Variants in EML5 observed in about 807,000 individuals in gnomAD.
EML5 encodes the protein EMAP like 5, also known as echinoderm microtubule-associated protein-like 5.
A neutral mutation model predicts 250.0 loss-of-function variants in EML5; 120 were observed. The observed-to-expected ratio is 0.48, with a 90% confidence interval of 0.41 to 0.56. The LOEUF is 0.56. EML5 is among the 20% of genes least tolerant of loss of function. EML5 has a pLI of 0.00. For missense variants in EML5, 2,006 were observed against 2,437.6 expected, an observed-to-expected ratio of 0.82 and a Z score of 3.73; for synonymous variants, 771 against 806.5, an observed-to-expected ratio of 0.96 and a Z score of 0.75.
Position 88,658,378 on chromosome 14 carries a change from C to A in EML5, c.3686G>T (p.Gly1229Val). Reference sequence around the variant, plus strand: ...ATGGGCCACATACCTCTTAAACTTTCCAAATTTCCCCTAAAGAGGAAGAAA... The same window carrying A: ...ATGGGCCACATACCTCTTAAACTTTACAAATTTCCCCTAAAGAGGAAGAAA... ...LFRYPTKGKF[G>V]KFKRYVAHST... Residue 1229 changes from glycine (G) to valine (V), a missense_variant, in exon 26 of 44, where the codon GGA (glycine) becomes GTA (valine). Around this residue, in one of 7 missense-constraint regions of EML5, gnomAD observed 1,375 missense variants for 1,590.3 expected, o/e 0.86. Coordinates refer to ENST00000554922, the MANE Select transcript of EML5 (RefSeq NM_183387.3). The A allele has an allele frequency of 6.3e-7, 1 of 1,593,592 alleles. No homozygotes were observed. The highest frequency in any genetic ancestry group is 1.2e-5 in the South Asian group (1 of 85,688).
chr14:88,627,091 G>A, intron 34 of EML5, 45 bp from the exon 35 acceptor site: 1 of 1,586,304 alleles, frequency 6.3e-7, no homozygotes, highest in Non-Finnish European at 8.6e-7. Context: ...CAAGAACCAA[G>A]CTAATCAACA....
Position 88,644,529 on chromosome 14 carries a change from G to C in EML5, c.4029-18C>G, listed in dbSNP as rs1414232949. ...CTGGAGGCCTGCAACAGAGAAGTGG[G>C]GAGGAGGAAAGGCATGCAGCACTCA... On this transcript the variant is annotated intron_variant, in intron 29 of 43. Coordinates refer to ENST00000554922, the MANE Select transcript of EML5 (RefSeq NM_183387.3). 1 of 1,612,902 alleles carries C rather than the reference G, an allele frequency of 6.2e-7. No individual in the cohort carries two copies. The highest frequency in any genetic ancestry group is 8.5e-7 in the Non-Finnish European group (1 of 1,179,132).
At chr14:88,618,851 G>C (rs1263627837) in intron 39 of EML5, 39 bp from the exon 40 acceptor site, 2 of 1,526,524 alleles carry the variant, frequency 1.3e-6, no homozygotes, top group Non-Finnish European at 1.8e-6. Flanking sequence ...TAGACCACAT[G>C]AAGTATTATA....
intron 43 of EML5, 121 bp from the exon 44 acceptor site, chr14:88,615,975 T>C: frequency 7.8e-7 from 1 of 1,289,856 alleles, no homozygotes; most frequent in Non-Finnish European, 1.1e-6. Context: ...TTAACTCCTT[T>C]TATTCTGTAT....
chr14:88,661,597 T>C, intron 25 of EML5, 57 bp downstream of exon 25: 1 of 1,486,884 alleles, frequency 6.7e-7, no homozygotes, highest in South Asian at 1.3e-5. Context: ...TGACAGGACA[T>C]TACCTTAACC....
chr14:88,701,846 G>T (rs984583740), intron 14 of EML5, among the ~76,000 whole-genome samples: 14 of 152,100 alleles, frequency 9.2e-5, no homozygotes, highest in South Asian at 2.1e-4. Flanking sequence ...CTCTCACATG[G>T]TTGAGGTGAG....
intron 33 of EML5, among the ~76,000 whole-genome samples, chr14:88,632,728 C>G (rs1433997630): frequency 1.3e-5 from 2 of 152,226 alleles, no homozygotes; most frequent in Non-Finnish European, 2.9e-5. Context: ...TGACAAAGCT[C>G]TTTTGTCCAC....
chr14:88,657,281 GTTAC>G, intron 27 of EML5, 91 bp downstream of exon 27: 1 of 1,213,532 alleles, frequency 8.2e-7, no homozygotes, highest in Non-Finnish European at 1.1e-6. Flanking sequence ...GAATATCACT[GTTAC>G]TTAGTTTGTG....
At chr14:88,781,648 G>A (rs188714581) in intron 1 of EML5, among the ~76,000 whole-genome samples, 6 of 152,238 alleles carry the variant, frequency 3.9e-5, no homozygotes, top group South Asian at 2.1e-4. Flanking sequence ...TCATGGTGAC[G>A]ATTACTCTCA....
intron 6 of EML5, among the ~76,000 whole-genome samples, chr14:88,738,165 T>C (rs2093873653): frequency 6.6e-6 from 1 of 152,130 alleles, no homozygotes; most frequent in African/African-American, 2.4e-5. Context: ...GAAAATAAAA[T>C]ACCAATTAAC....
intron 29 of EML5, among the ~76,000 whole-genome samples, chr14:88,645,096 G>A (rs1595351836): frequency 6.6e-6 from 1 of 151,864 alleles, no homozygotes; most frequent in Non-Finnish European, 1.5e-5. Flanking sequence ...GCACATTCTC[G>A]CCTCACTGCA....
intron 9 of EML5, among the ~76,000 whole-genome samples, chr14:88,714,141 A>G (rs2093452764): frequency 6.6e-6 from 1 of 152,192 alleles, no homozygotes; most frequent in African/African-American, 2.4e-5. Flanking sequence ...CCCAGCCTGC[A>G]AAGTTTATTT....
Position 88,618,784 on chromosome 14 carries a change from C to T in EML5, c.5404G>A (p.Val1802Ile), listed in dbSNP as rs2140272839. ...RFSPDSRYLA[V>I]GSSENSVDFY... ...TCCACTGAGTTCTCACTAGAACCTA[C>T]TGCCAGATACCGGGAATCCGGACTA... The change falls in exon 40 of 44, where the codon GTA (valine) becomes ATA (isoleucine). Residue 1802 changes from valine (V) to isoleucine (I), a missense_variant. By Grantham distance (29) the Val-to-Ile change is conservative (BLOSUM62 3). Transcript: ENST00000554922. 6.3e-7 allele frequency: 1 copy of T among 1,595,812 alleles called. No individual in the cohort carries two copies. Among genetic ancestry groups the T allele is most frequent in the Non-Finnish European group, 8.5e-7 (1 of 1,169,842 alleles).
chr14:88,710,309 T>G (rs903430353), intron 10 of EML5, among the ~76,000 whole-genome samples: 2 of 152,232 alleles, frequency 1.3e-5, no homozygotes, highest in African/African-American at 4.8e-5. Flanking sequence ...TTCGTATATT[T>G]TTTGTTTCAA....
rs368323127 is a variant in EML5, at chr14:88,657,450, G to C, written c.3930C>G (p.Ala1310=). ...RENEISYTIR[A]LSTNIRPMLG... Reference sequence around the variant, plus strand: ...ACATTGGGCGAATATTTGTTGATAAGGCTCTGATGGTGTAACTGATTTCAT... The same window carrying C: ...ACATTGGGCGAATATTTGTTGATAACGCTCTGATGGTGTAACTGATTTCAT... Residue 1310 remains alanine (A), a synonymous_variant, in exon 27 of 44, where the codon GCC becomes GCG. Coordinates refer to ENST00000554922, the MANE Select transcript of EML5 (RefSeq NM_183387.3). The C allele has an allele frequency of 1.2e-5, 20 of 1,605,486 alleles. No individual in the cohort carries two copies. In the African/African-American group the frequency reaches 2.5e-4, roughly 20 times the overall value.
chr14:88,661,663 A>G lies in EML5; in HGVS notation c.3666T>C (p.Tyr1222=). ...DDLGFVKLFR[Y]PTKGKFGKFK... ...AAAGAAAAACACATACTTTAGTAGG[A>G]TATCTAAATAACTTCACAAATCCCA... Residue 1222 remains tyrosine (Y), a synonymous_variant, in exon 25 of 44, where the codon TAT becomes TAC. Transcript: ENST00000554922. 6.2e-7 allele frequency: 1 copy of G among 1,612,170 alleles called. No individual in the cohort carries two copies. The highest frequency in any genetic ancestry group is 8.5e-7 in the Non-Finnish European group (1 of 1,179,206).
intron 34 of EML5, 156 bp downstream of exon 34, chr14:88,627,489 GA>G: frequency 1.5e-6 from 1 of 652,932 alleles, no homozygotes; most frequent in Non-Finnish European, 2.4e-6. Flanking sequence ...CTTTTAAAGT[GA>G]AATATACCTA....
chr14:88,682,698 T>C (rs1215814839), intron 20 of EML5, among the ~76,000 whole-genome samples: 1 of 152,194 alleles, frequency 6.6e-6, no homozygotes, highest in Non-Finnish European at 1.5e-5. Flanking sequence ...CAGCCTCCTG[T>C]TGCTGAGGCT....
At position 88,688,356 on chromosome 14, in the gene EML5, T is replaced by C; in HGVS notation, c.2657A>G (p.Asp886Gly). 1.2e-6 allele frequency: 2 copies of C among 1,613,986 alleles called. No individual in the cohort carries two copies. Among genetic ancestry groups the C allele is most frequent in the South Asian group, 1.1e-5 (1 of 91,080 alleles). Residue 886 changes from aspartate (D) to glycine (G), a missense_variant, in exon 18 of 44, where the codon GAT becomes GGT. By Grantham distance (94) the Asp-to-Gly change is moderately conservative. Transcript: ENST00000554922. The stretch of plus-strand genomic sequence containing the variant: ...AAAGATGTCTCTCCAGATACACACA[T>C]CTCCTGTGGATGTTCCAGAAAAAGC... ...EMAFSGTSTG[D>G]VCIWRDIFLV...
Sources: gnomAD v4.1 joint callset for allele counts (sites outside exome capture counted in the v4.1 genomes callset) on GRCh38, gnomAD v4.1.1 for gene constraint, gnomAD v4.1.1 regional missense constraint, MANE v1.5 for transcripts, NCBI Gene and HGNC (gene_info 2026-07-23, HGNC 2026-07-21) for gene names.